The following POU5F1 variants were observed in gnomAD, a reference collection of about 807,000 sequenced individuals.
POU5F1 encodes the protein POU domain, class 5, transcription factor 1.
A neutral mutation model predicts 38.3 loss-of-function variants in POU5F1; 6 were observed. The ratio of observed to expected loss-of-function variants is 0.16; its 90% CI spans 0.09 to 0.31. The LOEUF is 0.31. Among genes scored for constraint, POU5F1 ranks in the 10% least tolerant of loss-of-function variants. The pLI is 1.00. For missense variants in POU5F1, 286 were observed against 462.6 expected (o/e 0.62, Z 3.50); for synonymous variants, 147 against 194.9 (o/e 0.75, Z 2.05).
rs1264513957 is a variant in POU5F1 at position 31,170,547 on chromosome 6, G to A, written c.74C>T (p.Pro25Leu). Residue 25 changes from proline (P) to leucine (L), a missense_variant, in exon 1 of 5, where the codon CCG becomes CTG. Around this residue, in one of 2 missense-constraint regions of POU5F1, gnomAD observed 176 missense variants for 184.8 expected, o/e 0.95. Transcript: ENST00000259915. ...CCGAGGATCAACCCAGCCCGGCTCCGGCCCCCCTGGCCCATCACCTCCACC... is the reference window on the plus strand; with the variant it reads ...CCGAGGATCAACCCAGCCCGGCTCCAGCCCCCCTGGCCCATCACCTCCACC... ...PGGGGDGPGG[P>L]EPGWVDPRTW... 8 of 1,570,518 alleles carry A rather than the reference G, an allele frequency of 5.1e-6. No homozygotes were observed. Among genetic ancestry groups the A allele is most frequent in the Middle Eastern group, 2.0e-4 (1 of 5,056 alleles).
Position 31,165,601 on chromosome 6 carries a change from C to G in POU5F1, c.627G>C (p.Glu209Asp), listed in dbSNP as rs1341968669. 2 of 1,614,034 alleles carry G rather than the reference C, an allele frequency of 1.2e-6. No homozygotes were observed. The highest frequency in any genetic ancestry group is 2.7e-5 in the African/African-American group (2 of 74,924). Residue 209 changes from glutamate (E) to aspartate (D), a missense_variant, in exon 3 of 5, where the codon GAG becomes GAC. Glu to Asp is a conservative substitution (Grantham distance 45). Transcript: ENST00000259915. The surrounding 1 kb of genome is among the most constrained non-coding windows in gnomAD (Gnocchi z 6.5). Reference protein sequence around the residue: ...KLRPLLQKWVEEADNNENLQE... With the variant: ...KLRPLLQKWVDEADNNENLQE... ...GAAGATTTTCATTGTTGTCAGCTTC[C>G]TCCACCCACTTCTGCAGCAAGGGCC...
intron 1 of POU5F1, among the ~76,000 whole-genome samples, chr6:31,169,662 A>G (rs1011171181): frequency 1.3e-5 from 2 of 152,250 alleles, no homozygotes; most frequent in African/African-American, 4.8e-5. Flanking sequence ...CACAACGCGC[A>G]CACACACAGC....
chr6:31,170,273 G>A lies in POU5F1; in HGVS notation c.348C>T (p.Thr116=), dbSNP rs530499672. The A allele has an allele frequency of 1.4e-5, 23 of 1,612,888 alleles. No homozygotes were observed. The highest frequency in any genetic ancestry group is 9.3e-5 in the African/African-American group (7 of 75,054). The change falls in exon 1 of 5, where the codon ACC becomes ACT. Residue 116 remains threonine (T), a synonymous_variant. Coordinates refer to ENST00000259915, the MANE Select transcript of POU5F1 (RefSeq NM_002701.6). ...NSDGASPEPC[T]VTPGAVKLEK... Reference sequence around the variant, plus strand: ...CCAGCTTCACGGCACCAGGGGTGACGGTGCAGGGCTCCGGGGAGGCCCCAT... The same window carrying A: ...CCAGCTTCACGGCACCAGGGGTGACAGTGCAGGGCTCCGGGGAGGCCCCAT...
chr6:31,168,241 T>C (rs1347270865), intron 1 of POU5F1, among the ~76,000 whole-genome samples: 2 of 67,050 alleles, frequency 3.0e-5, no homozygotes, highest in Non-Finnish European at 6.2e-5. Context: ...GCCTCACCTT[T>C]TTTTTTTTTT....
chr6:31,168,240 T>C (rs1440490960), intron 1 of POU5F1, among the ~76,000 whole-genome samples: 3 of 18,068 alleles, frequency 1.7e-4, no homozygotes, highest in African/African-American at 2.6e-4. Context: ...AGCCTCACCT[T>C]TTTTTTTTTT....
chr6:31,166,066 A>G lies in POU5F1; in HGVS notation c.406-19T>C. On this transcript the variant is annotated intron_variant, in intron 1 of 4. Coordinates refer to ENST00000259915, the MANE Select transcript of POU5F1 (RefSeq NM_002701.6). ...CCTGGGACTGGATTTTAAAAGGCAG[A>G]AGACTTGTAAGAACATAAACACACC... The G allele has an allele frequency of 6.2e-7, 1 of 1,614,232 alleles. No homozygotes were observed. The highest frequency in any genetic ancestry group is 8.5e-7 in the Non-Finnish European group (1 of 1,180,050).
Position 31,170,576 on chromosome 6 carries a change from T to C in POU5F1, c.45A>G (p.Pro15=), listed in dbSNP as rs1777594227. ...CCCCTGGCCCATCACCTCCACCACC[T>C]GGAGGGGGCGAGAAGGCGAAATCCG... ...LASDFAFSPP[P]GGGGDGPGGP... is the part of the protein sequence containing the mutation. Residue 15 remains proline (P), a synonymous_variant, in exon 1 of 5, where the codon CCA becomes CCG. Coordinates refer to ENST00000259915, the MANE Select transcript of POU5F1 (RefSeq NM_002701.6). 4 of 1,567,324 alleles carry C rather than the reference T, an allele frequency of 2.6e-6. No homozygotes were observed. The highest frequency in any genetic ancestry group is 1.2e-5 in the South Asian group (1 of 85,576).
Position 31,170,609 on chromosome 6 carries a change from G to T in POU5F1, c.12C>A (p.His4Gln), listed in dbSNP as rs1777597893. 6.4e-7 allele frequency: 1 copy of T among 1,555,776 alleles called. No homozygotes were observed. Among genetic ancestry groups the T allele is most frequent in the Non-Finnish European group, 8.7e-7 (1 of 1,150,478 alleles). Reference sequence around the variant, plus strand: ...GCGAGAAGGCGAAATCCGAAGCCAGGTGTCCCGCCATGGGGAAGGAAGGCG... The same window carrying T: ...GCGAGAAGGCGAAATCCGAAGCCAGTTGTCCCGCCATGGGGAAGGAAGGCG... MAG[H>Q]LASDFAFSPP... The change falls in exon 1 of 5, where the codon CAC (histidine) becomes CAA (glutamine). Residue 4 changes from histidine (H) to glutamine (Q), a missense_variant. By Grantham distance (24) the His-to-Gln change is conservative. Around this residue, in one of 2 missense-constraint regions of POU5F1, gnomAD observed 176 missense variants for 184.8 expected, o/e 0.95. Transcript: ENST00000259915.
Position 31,165,417 on chromosome 6 carries a change from G to A in POU5F1, c.658-131C>T. 1 of 1,560,726 alleles carries A rather than the reference G, an allele frequency of 6.4e-7. No individual in the cohort carries two copies. Among genetic ancestry groups the A allele is most frequent in the Non-Finnish European group, 8.7e-7 (1 of 1,149,718 alleles). On this transcript the variant is annotated intron_variant, in intron 3 of 4. Transcript: ENST00000259915. The surrounding 1 kb of genome is among the most constrained non-coding windows in gnomAD (Gnocchi z 6.5). Reference sequence around the variant, plus strand: ...GAAAAGGCAGGATCCTGGAAGGGTTGGCTCTGGACCTTATCCCAGCAGAAC... The same window carrying A: ...GAAAAGGCAGGATCCTGGAAGGGTTAGCTCTGGACCTTATCCCAGCAGAAC...
At chr6:31,166,809 G>C in intron 1 of POU5F1, 1 of 1,185,460 alleles carries the variant, frequency 8.4e-7, no homozygotes, top group Non-Finnish European at 1.1e-6. Context: ...TCATGTCTCA[G>C]AAGCTAAATT....
Position 31,164,885 on chromosome 6 carries a change from A to G in POU5F1, c.817-18T>C, listed in dbSNP as rs1159109883. ...CGGACCACCTGCAAGTGAATGACAG[A>G]AAGGAGAATGACATTAGACAATGAG... On this transcript the variant is annotated intron_variant, in intron 4 of 4. Transcript: ENST00000259915. 1.3e-6 allele frequency: 2 copies of G among 1,599,256 alleles called. No homozygotes were observed. The highest frequency in any genetic ancestry group is 1.7e-6 in the Non-Finnish European group (2 of 1,175,806).
intron 1 of POU5F1, chr6:31,167,061 A>G: frequency 3.6e-6 from 2 of 553,218 alleles, no homozygotes; most frequent in Middle Eastern, 2.8e-4. Flanking sequence ...GCCAGCGGCT[A>G]TACAAAGTGG....
At chr6:31,169,948 G>A (rs1349926834) in intron 1 of POU5F1, 6 of 589,594 alleles carry the variant, frequency 1.0e-5, no homozygotes, top group Admixed American at 3.0e-5. Flanking sequence ...CCAGAGCAAA[G>A]GCCAGCCTGG....
intron 1 of POU5F1, among the ~76,000 whole-genome samples, chr6:31,168,987 A>G (rs1777481558): frequency 1.3e-5 from 2 of 152,168 alleles, no homozygotes; most frequent in East Asian, 1.9e-4. Context: ...ATCAATTTCA[A>G]ATAGGCTGTT....
At chr6:31,166,930 C>A in intron 1 of POU5F1, 1 of 1,214,986 alleles carries the variant, frequency 8.2e-7, no homozygotes, top group Non-Finnish European at 1.1e-6. Flanking sequence ...GGATAAAGTG[C>A]TTTGTGTGTA....
chr6:31,167,743 T>C (rs1268637460), intron 1 of POU5F1, among the ~76,000 whole-genome samples: 2 of 146,534 alleles, frequency 1.4e-5, no homozygotes, highest in East Asian at 2.0e-4. Context: ...TCTATAGGAG[T>C]AGGGTAAAGG....
chr6:31,168,669 G>A (rs1388345914), intron 1 of POU5F1, among the ~76,000 whole-genome samples: 1 of 152,222 alleles, frequency 6.6e-6, no homozygotes, highest in Non-Finnish European at 1.5e-5. Context: ...AGGATAGGAT[G>A]TAGGACATGA....
At chr6:31,170,178 C>T (rs999443387) in intron 1 of POU5F1, 38 bp downstream of exon 1, 1 of 1,612,618 alleles carries the variant, frequency 6.2e-7, no homozygotes, top group African/African-American at 1.3e-5. Context: ...CTGTCATGAC[C>T]ACCTCCCCAC....
intron 1 of POU5F1, chr6:31,169,956 T>G: frequency 1.7e-6 from 1 of 601,960 alleles, no homozygotes; most frequent in East Asian, 2.8e-5. Flanking sequence ...AAGGCCAGCC[T>G]GGGCCAGCTT....
Sources: gnomAD v4.1 joint callset for allele counts (sites outside exome capture counted in the v4.1 genomes callset) on GRCh38, gnomAD v4.1.1 for gene constraint, gnomAD v4.1.1 regional missense constraint, Gnocchi (gnomAD v3.1) non-coding constraint, MANE v1.5 for transcripts, NCBI Gene and HGNC (gene_info 2026-07-23, HGNC 2026-07-21) for gene names.